The following IFT140 variants were observed in gnomAD, a reference collection of about 807,000 sequenced individuals.
The protein encoded by IFT140 is intraflagellar transport protein 140 homolog.
In IFT140, 133 loss-of-function variants were observed where a neutral mutation model predicts 164.6. The ratio of observed to expected loss-of-function variants is 0.81; its 90% CI spans 0.70 to 0.93. The LOEUF is 0.93. Among genes scored for constraint, IFT140 ranks in the 40% least tolerant of loss-of-function variants. IFT140 has a pLI of 0.00. For missense variants in IFT140, 2,045 were observed against 1,972.3 expected (o/e 1.04, Z -0.70); for synonymous variants, 860 against 817.3 (o/e 1.05, Z -0.89).
At chr16:1,543,937 C>T (rs954696250) in intron 19 of IFT140, among the ~76,000 whole-genome samples, 5 of 151,918 alleles carry the variant, frequency 3.3e-5, no homozygotes, top group South Asian at 2.1e-4. Context: ...GATATTTTAG[C>T]GGCATAGAGA....
Position 1,510,805 on chromosome 16 carries a change from C to T in IFT140, c.*139G>A, listed in dbSNP as rs1387800814. 11 of 818,242 alleles carry T rather than the reference C, an allele frequency of 1.3e-5. No homozygotes were observed. The highest frequency in any genetic ancestry group is 4.2e-5 in the Admixed American group (2 of 47,138). 50.7% of individuals were successfully genotyped at this position (818,242 alleles called of 1,614,324 possible). A position where few individuals can be genotyped will look rare whatever the true frequency, so the allele number is the denominator to read the frequency against. On this transcript the variant is annotated 3_prime_UTR_variant, in exon 31 of 31. Transcript: ENST00000426508. ...CACCCTCCGCCGGCCCGGGCCGCTG[C>T]GTTCTCGCCCAGCTCTGTCGCGTAT...
At chr16:1,568,470 A>G in intron 14 of IFT140, 136 bp from the exon 15 acceptor site, 2 of 691,914 alleles carry the variant, frequency 2.9e-6, no homozygotes, top group Non-Finnish European at 4.9e-6. Context: ...GCGCGTGTGC[A>G]CCATGAGGTG....
At chr16:1,588,520 G>A (rs1157088018) in intron 7 of IFT140, among the ~76,000 whole-genome samples, 4 of 64,994 alleles carry the variant, frequency 6.2e-5, no homozygotes, top group African/African-American at 3.7e-4. Context: ...GCAAGACTCC[G>A]TCTCAAAAAT....
At chr16:1,603,733 G>A (rs2667680) in intron 3 of IFT140, among the ~76,000 whole-genome samples, 5,230 of 152,208 alleles carry the variant, frequency 0.034, 312 homozygotes, top group African/African-American at 0.12. Context: ...TGCCCGCCTC[G>A]GCCTCCCAAA....
chr16:1,576,625 G>T (rs376533548), intron 13 of IFT140: 3 of 148,434 alleles, frequency 2.0e-5, no homozygotes, highest in Non-Finnish European at 1.5e-5. Flanking sequence ...ACTTTTTTTT[G>T]GAGATTTGTA....
At position 1,535,040 on chromosome 16, in the gene IFT140, C is replaced by T. The variant is rs2030926847; in HGVS notation, c.2400-8244G>A. 1.3e-5 allele frequency among the ~76,000 whole-genome samples: 2 copies of T among 151,696 alleles called. 1 individual carries two copies. Among genetic ancestry groups the T allele is most frequent in the South Asian group, 4.1e-4 (2 of 4,822 alleles). On this transcript the variant is annotated intron_variant, in intron 19 of 30. Coordinates refer to ENST00000426508, the MANE Select transcript of IFT140 (RefSeq NM_014714.4). Reference sequence around the variant, plus strand: ...GCCTACATAGCGAGAGACCCTGTCTCTGAACATAAAAAAAAAATGAAAATG... The same window carrying T: ...GCCTACATAGCGAGAGACCCTGTCTTTGAACATAAAAAAAAAATGAAAATG...
intron 19 of IFT140, among the ~76,000 whole-genome samples, chr16:1,543,883 G>A (rs2141311116): frequency 1.3e-5 from 2 of 152,242 alleles, no homozygotes; most frequent in Middle Eastern, 3.4e-3. Flanking sequence ...AGAAGGAAAT[G>A]GAAGATTTTG....
rs957053988 is a variant in IFT140, at chr16:1,551,231, C to T, written c.2399+6704G>A. Reference sequence around the variant, plus strand: ...TGGCCCCGGGGAGCCTGCCCTGTGGCGGGGGAGAGCGGCCAGAGCCACCCA... The same window carrying T: ...TGGCCCCGGGGAGCCTGCCCTGTGGTGGGGGAGAGCGGCCAGAGCCACCCA... On this transcript the variant is annotated intron_variant, in intron 19 of 30. Transcript: ENST00000426508. This position sits in a 1 kb window ranked among gnomAD's most constrained non-coding sequence, Gnocchi z 4.0. 2.0e-5 allele frequency among the ~76,000 whole-genome samples: 3 copies of T among 152,172 alleles called. No individual in the cohort carries two copies. Among genetic ancestry groups the T allele is most frequent in the Admixed American group, 6.5e-5 (1 of 15,286 alleles).
intron 19 of IFT140, among the ~76,000 whole-genome samples, chr16:1,545,154 CG>C (rs1487914998): frequency 6.6e-6 from 1 of 152,218 alleles, no homozygotes; most frequent in East Asian, 1.9e-4. Flanking sequence ...ACAGCATTCC[CG>C]GGGGACAGGG....
rs543820073 is a variant in IFT140, at chr16:1,511,581, G to C, written c.4183-431C>G. 1.1e-4 allele frequency among the ~76,000 whole-genome samples: 17 copies of C among 152,134 alleles called. No individual in the cohort carries two copies. The South Asian group carries it at 2.5e-3, about 22-fold the overall frequency. ...AGCGATATCTACTGGTTTGGCTTGG[G>C]TATTTTTTTTTTTTGAGATGGAGTC... On this transcript the variant is annotated intron_variant, in intron 30 of 30. Coordinates refer to ENST00000426508, the MANE Select transcript of IFT140 (RefSeq NM_014714.4).
At chr16:1,536,832 C>G (rs999024452) in intron 19 of IFT140, among the ~76,000 whole-genome samples, 2 of 152,226 alleles carry the variant, frequency 1.3e-5, no homozygotes, top group Non-Finnish European at 2.9e-5. Flanking sequence ...GGTGGCCCCT[C>G]TGTCCACAGC....
intron 4 of IFT140, among the ~76,000 whole-genome samples, chr16:1,601,049 C>G (rs991874648): frequency 6.6e-6 from 1 of 151,942 alleles, no homozygotes; most frequent in Non-Finnish European, 1.5e-5. Context: ...GATCTCTTGA[C>G]GTCAGCAGCT....
intron 3 of IFT140, among the ~76,000 whole-genome samples, 163 bp downstream of exon 3, chr16:1,606,957 C>T (rs1053629325): frequency 1.5e-4 from 23 of 151,712 alleles, no homozygotes; most frequent in East Asian, 1.9e-4. Flanking sequence ...CATACATATG[C>T]GCATACACAC....
At chr16:1,601,918 G>A (rs569074218) in intron 4 of IFT140, among the ~76,000 whole-genome samples, 3 of 152,298 alleles carry the variant, frequency 2.0e-5, no homozygotes, top group East Asian at 1.9e-4. Flanking sequence ...GCACCATGTC[G>A]CTATGCTGTG....
intron 30 of IFT140, among the ~76,000 whole-genome samples, chr16:1,514,107 G>A (rs1047386258): frequency 1.3e-5 from 2 of 150,746 alleles, no homozygotes; most frequent in African/African-American, 2.4e-5. Context: ...GGTACCTCAC[G>A]CCTGTAATCC....
At chr16:1,516,168 A>AAAAAAAAAAAAAAAAAAC (rs1567318535) in intron 30 of IFT140, among the ~76,000 whole-genome samples, 1 of 109,284 alleles carries the variant, frequency 9.2e-6, no homozygotes, top group African/African-American at 4.5e-5. Flanking sequence ...AAAAAAAAAA[A>AAAAAAAAAAAAAAAAAAC]AAAAAAAAAA....
chr16:1,520,463 T>C, intron 27 of IFT140, 120 bp from the exon 28 acceptor site: 1 of 1,333,004 alleles, frequency 7.5e-7, no homozygotes, highest in South Asian at 1.3e-5. Context: ...GAGAGAGATC[T>C]TAGTGGTTGT....
In IFT140 at chr16:1,520,147, T is replaced by C. The variant is rs752323916; in HGVS notation, c.3857A>G (p.Tyr1286Cys). ...GRALDLLAGFYDACAQVEIDE... is the reference protein window; with the variant it reads ...GRALDLLAGFCDACAQVEIDE... ...GGCCTGCACCTGGGCACAAGCGTCA[T>C]AAAAGCCAGCCAGGAGGTCCAGGGC... The change falls in exon 28 of 31, where the codon TAT becomes TGT. Residue 1286 changes from tyrosine (Y) to cysteine (C), a missense_variant. Transcript: ENST00000426508. The C allele has an allele frequency of 3.1e-6, 5 of 1,614,056 alleles. No individual in the cohort carries two copies. The highest frequency in any genetic ancestry group is 4.2e-6 in the Non-Finnish European group (5 of 1,179,940).
At chr16:1,542,483 G>A (rs1055796807) in intron 19 of IFT140, among the ~76,000 whole-genome samples, 1 of 152,240 alleles carries the variant, frequency 6.6e-6, no homozygotes, top group Non-Finnish European at 1.5e-5. Context: ...GGCAGAGGCA[G>A]AAGAGCCCAT....
Sources: gnomAD v4.1 joint callset for allele counts (sites outside exome capture counted in the v4.1 genomes callset) on GRCh38, gnomAD v4.1.1 for gene constraint, Gnocchi (gnomAD v3.1) non-coding constraint, MANE v1.5 for transcripts, NCBI Gene and HGNC (gene_info 2026-07-23, HGNC 2026-07-21) for gene names.